TMEM232: variants seen among roughly 807,000 people sequenced by gnomAD.
TMEM232 encodes the protein transmembrane protein 232.
TMEM232 carries 80 observed loss-of-function variants against 78.8 expected under a neutral mutation model. The observed-to-expected ratio is 1.01, with a 90% confidence interval of 0.85 to 1.22. TMEM232 has a LOEUF of 1.22. Ranked by LOEUF, TMEM232 falls within the 50% of genes most tolerant of loss-of-function variation. The pLI, the probability that TMEM232 is intolerant of heterozygous loss-of-function variation, is 0.00. For missense variants in TMEM232, 881 were observed against 742.2 expected (o/e 1.19, Z -2.17); for synonymous variants, 297 against 254.3 (o/e 1.17, Z -1.60).
At chr5:110,415,257 G>T (rs1487985830), downstream of TMEM232, among the ~76,000 whole-genome samples, 2 of 150,754 alleles carry the variant, frequency 1.3e-5, no homozygotes, top group African/African-American at 4.9e-5. Context: ...GTGCGATCTC[G>T]GTTCACTGCA....
intron 10 of TMEM232, among the ~76,000 whole-genome samples, chr5:110,602,090 C>T (rs544501686): frequency 1.6e-4 from 25 of 152,170 alleles, no homozygotes; most frequent in African/African-American, 5.5e-4. Flanking sequence ...ACTGGCTAGC[C>T]GTATGCAGAA....
rs140378278 is a variant in TMEM232, at chr5:110,450,498, C to T, written c.1704-25582G>A. Among the ~76,000 whole-genome samples the T allele has an allele frequency of 2.8e-3, 427 of 152,040 alleles. 1 individual carries two copies. Among genetic ancestry groups the T allele is most frequent in the Non-Finnish European group, 4.6e-3 (314 of 67,990 alleles). ...TTTTTTTCAATCTTATTAACTATTGCGAGTTAATTCATGTCAAAATAGAGC... is the reference window on the plus strand; with the variant it reads ...TTTTTTTCAATCTTATTAACTATTGTGAGTTAATTCATGTCAAAATAGAGC... On this transcript the variant is annotated intron_variant, in intron 12 of 13. Transcript: ENST00000455884.
intron 2 of TMEM232, among the ~76,000 whole-genome samples, chr5:110,659,079 C>G (rs924509538): frequency 2.0e-5 from 3 of 152,072 alleles, no homozygotes; most frequent in African/African-American, 7.2e-5. Context: ...CCATAATATG[C>G]GTCTTTTGCC....
intron 11 of TMEM232, among the ~76,000 whole-genome samples, chr5:110,563,463 T>A (rs73783645): frequency 0.066 from 9,951 of 151,818 alleles, 1,007 homozygotes; most frequent in African/African-American, 0.21. Context: ...GACAGTAGCA[T>A]ATAAAAATAG....
chr5:110,429,011 G>C (rs1438558220), intron 12 of TMEM232, among the ~76,000 whole-genome samples: 1 of 151,808 alleles, frequency 6.6e-6, no homozygotes. Flanking sequence ...AAGTGAAGAG[G>C]AGCTGACTAA....
intron 7 of TMEM232, among the ~76,000 whole-genome samples, chr5:110,618,943 A>T (rs1783291976): frequency 6.6e-6 from 1 of 152,200 alleles, no homozygotes; most frequent in South Asian, 2.1e-4. Context: ...GCTAACAGCA[A>T]ATTATGTTTT....
At chr5:110,482,602 T>C (rs995514419) in intron 12 of TMEM232, among the ~76,000 whole-genome samples, 1 of 149,350 alleles carries the variant, frequency 6.7e-6, no homozygotes, top group South Asian at 2.1e-4. Flanking sequence ...TATATATATA[T>C]ATATATTATT....
chr5:110,479,995 TCA>T (rs1763690060), intron 12 of TMEM232, among the ~76,000 whole-genome samples: 1 of 151,870 alleles, frequency 6.6e-6, no homozygotes, highest in African/African-American at 2.4e-5. Flanking sequence ...GTAAATATGT[TCA>T]GTTGATGGTA....
At chr5:110,722,589 G>A (rs79151028) in intron 1 of TMEM232, among the ~76,000 whole-genome samples, 1 of 152,162 alleles carries the variant, frequency 6.6e-6, no homozygotes, top group African/African-American at 2.4e-5. Flanking sequence ...TTCCCCCAGA[G>A]AGAACAATCC....
At chr5:110,508,894 GTATA>G (rs1162394092) in intron 12 of TMEM232, among the ~76,000 whole-genome samples, 2 of 129,184 alleles carry the variant, frequency 1.5e-5, no homozygotes, top group South Asian at 2.4e-4. Context: ...GTGTATATAT[GTATA>G]TATATAAAAT....
chr5:110,398,861 A>G (rs966519102), intron 2 of TMEM232, among the ~76,000 whole-genome samples: 1 of 152,142 alleles, frequency 6.6e-6, no homozygotes, highest in Admixed American at 6.6e-5. Context: ...TGTTAAACAA[A>G]AACAAATAAA....
intron 12 of TMEM232, among the ~76,000 whole-genome samples, chr5:110,486,962 ATTTG>A (rs1291652601): frequency 6.6e-6 from 1 of 151,756 alleles, no homozygotes; most frequent in Non-Finnish European, 1.5e-5. Context: ...ATGTGTTTCC[ATTTG>A]TTTGTGTCAT....
At chr5:110,424,427 C>A (rs1160302822) in intron 13 of TMEM232, among the ~76,000 whole-genome samples, 1 of 152,094 alleles carries the variant, frequency 6.6e-6, no homozygotes, top group Non-Finnish European at 1.5e-5. Context: ...ATACTAAGAA[C>A]AAAGTGATTA....
intron 12 of TMEM232, among the ~76,000 whole-genome samples, chr5:110,482,385 A>C (rs1763963908): frequency 1.3e-5 from 2 of 152,226 alleles, no homozygotes; most frequent in Admixed American, 1.3e-4. Context: ...GTTTGAGATG[A>C]GCCTGGCCAA....
At chr5:110,671,687 T>G (rs367732941) in intron 1 of TMEM232, among the ~76,000 whole-genome samples, 1 of 151,590 alleles carries the variant, frequency 6.6e-6, no homozygotes, top group Non-Finnish European at 1.5e-5. Flanking sequence ...TAAGTGGGAG[T>G]TGAACACTGA....
intron 3 of TMEM232, among the ~76,000 whole-genome samples, chr5:110,641,207 G>A (rs1786652208): frequency 6.6e-6 from 1 of 151,984 alleles, no homozygotes; most frequent in Non-Finnish European, 1.5e-5. Flanking sequence ...TAAAAAAGTT[G>A]ATATTACAAG....
intron 12 of TMEM232, among the ~76,000 whole-genome samples, chr5:110,476,362 G>C (rs926004171): frequency 6.6e-6 from 1 of 151,906 alleles, no homozygotes; most frequent in Non-Finnish European, 1.5e-5. Context: ...CCTGTGAGGG[G>C]TACAGCCAGA....
intron 12 of TMEM232, among the ~76,000 whole-genome samples, chr5:110,440,288 T>G (rs1283513610): frequency 6.6e-6 from 1 of 152,182 alleles, no homozygotes; most frequent in East Asian, 1.9e-4. Context: ...AACTGGTTGC[T>G]CCCTAAGCCT....
At chr5:110,647,443 T>C (rs1787649775) in intron 2 of TMEM232, among the ~76,000 whole-genome samples, 1 of 152,010 alleles carries the variant, frequency 6.6e-6, no homozygotes, top group African/African-American at 2.4e-5. Flanking sequence ...ACCTACGCAA[T>C]GTCCATTAAT....
Sources: gnomAD v4.1 joint callset for allele counts (sites outside exome capture counted in the v4.1 genomes callset) on GRCh38, gnomAD v4.1.1 for gene constraint, MANE v1.5 for transcripts, NCBI Gene and HGNC (gene_info 2026-07-23, HGNC 2026-07-21) for gene names.